The following CIITA variants were observed in gnomAD, a reference collection of about 807,000 sequenced individuals.
The protein encoded by CIITA is class II major histocompatibility complex transactivator.
In CIITA, 72 loss-of-function variants were observed where a neutral mutation model predicts 115.1. The observed-to-expected ratio is 0.63, with a 90% confidence interval of 0.52 to 0.76. The LOEUF (loss-of-function observed/expected upper bound fraction) is 0.76. CIITA is among the 30% of genes least tolerant of loss of function. The pLI, the probability that CIITA is intolerant of heterozygous loss-of-function variation, is 0.00. For synonymous variants in CIITA, 763 were observed against 635.6 expected (o/e 1.20, Z -3.02); for missense variants, 1,617 against 1,463.8 (o/e 1.10, Z -1.71).
chr16:10,906,350 A>C, intron 10 of CIITA, 149 bp from the exon 11 acceptor site: 1 of 1,008,696 alleles, frequency 9.9e-7, no homozygotes, highest in Non-Finnish European at 1.5e-6. Flanking sequence ...AAAAAGCCAG[A>C]CCCTGTCTCA....
rs2039234162 is a variant in CIITA, at chr16:10,907,260, C to A, written c.1768C>A (p.His590Asn). Reference sequence around the variant, plus strand: ...CTTTGAGAGCTCAGGGATGACAGAGCACCAAGACAGAGCCCTGACGCTCCT... The same window carrying A: ...CTTTGAGAGCTCAGGGATGACAGAGAACCAAGACAGAGCCCTGACGCTCCT... The part of the protein sequence containing the change: ...RYFESSGMTE[H>N]QDRALTLLRD... The change falls in exon 11 of 20, where the codon CAC becomes AAC. Residue 590 changes from histidine (H) to asparagine (N), a missense_variant. Physicochemically the swap from His to Asn is moderately conservative, Grantham distance 68. Transcript: ENST00000324288. This position sits in a 1 kb window ranked among gnomAD's most constrained non-coding sequence, Gnocchi z 5.0. The A allele has an allele frequency of 6.2e-7, 1 of 1,613,520 alleles. No individual in the cohort carries two copies. The highest frequency in any genetic ancestry group is 8.5e-7 in the Non-Finnish European group (1 of 1,180,008).
At chr16:10,875,818 G>A (rs2035795618), upstream of CIITA, among the ~76,000 whole-genome samples, 1 of 152,072 alleles carries the variant, frequency 6.6e-6, no homozygotes, top group South Asian at 2.1e-4. Flanking sequence ...CTATAGTTGT[G>A]CACCATCATA....
chr16:10,930,477 G>A lies in CIITA; in HGVS notation c.*6622G>A, dbSNP rs1253826516. On this transcript the variant is annotated 3_prime_UTR_variant, in exon 20 of 20. Coordinates refer to ENST00000324288, the MANE Select transcript of CIITA (RefSeq NM_000246.4). ...TACCCTATTTCCAAGGTCGACCTAA[G>A]GGGGCGGAACTGTTTCCATTGAGAC... 6.6e-6 allele frequency: 1 copy of A among 152,164 alleles called. No homozygotes were observed. The highest frequency in any genetic ancestry group is 2.4e-5 in the African/African-American group (1 of 41,428). 9.4% of individuals were successfully genotyped at this position (152,164 alleles called of 1,614,324 possible). A position where few individuals can be genotyped will look rare whatever the true frequency, so the allele number is the denominator to read the frequency against.
At chr16:10,898,793 G>C (rs574043195) in intron 4 of CIITA, 61 bp downstream of exon 4, 1 of 1,607,244 alleles carries the variant, frequency 6.2e-7, no homozygotes, top group South Asian at 1.1e-5. Flanking sequence ...TTGTTCCCTG[G>C]GGGGTGCCCT....
intron 13 of CIITA, among the ~76,000 whole-genome samples, chr16:10,911,292 T>G (rs2144837925): frequency 6.9e-6 from 1 of 145,810 alleles, no homozygotes; most frequent in Middle Eastern, 3.6e-3. Context: ...TTCCTTTTCT[T>G]TCCTTCCCTC....
intron 1 of CIITA, among the ~76,000 whole-genome samples, chr16:10,894,365 T>A (rs1406563751): frequency 1.3e-5 from 2 of 152,232 alleles, no homozygotes; most frequent in Non-Finnish European, 2.9e-5. Flanking sequence ...TATTTTTTGG[T>A]GGATATTTGG....
intron 1 of CIITA, chr16:10,878,940 G>A: frequency 4.4e-6 from 1 of 226,438 alleles, no homozygotes; most frequent in Non-Finnish European, 8.8e-6. Flanking sequence ...GAGGCGGGGA[G>A]GTAGGATGAC....
At position 10,923,688 on chromosome 16, in the gene CIITA, A is replaced by G. The variant is rs1054265942; in HGVS notation, c.*23-190A>G. Reference sequence around the variant, plus strand: ...GGTTTGTCTCAGATGAACTTGCTTGACAAGTCTCCTGCTCCTCACTATGAA... The same window carrying G: ...GGTTTGTCTCAGATGAACTTGCTTGGCAAGTCTCCTGCTCCTCACTATGAA... On this transcript the variant is annotated intron_variant, in intron 19 of 19. Coordinates refer to ENST00000324288, the MANE Select transcript of CIITA (RefSeq NM_000246.4). This position sits in a 1 kb window ranked among gnomAD's most constrained non-coding sequence, Gnocchi z 5.2. 6.6e-6 allele frequency among the ~76,000 whole-genome samples: 1 copy of G among 151,976 alleles called. No homozygotes were observed. Among genetic ancestry groups the G allele is most frequent in the African/African-American group, 2.4e-5 (1 of 41,366 alleles).
In CIITA at chr16:10,926,530, C is replaced by T. The variant is rs979694121; in HGVS notation, c.*2675C>T. 1.3e-5 allele frequency: 2 copies of T among 152,184 alleles called. No homozygotes were observed. 9.4% of individuals were successfully genotyped at this position (152,184 alleles called of 1,614,324 possible). On this transcript the variant is annotated 3_prime_UTR_variant, in exon 20 of 20. Coordinates refer to ENST00000324288, the MANE Select transcript of CIITA (RefSeq NM_000246.4). ...ACTAACGATTTGTTAATGATAGCTACTGTTTATTATTTTATTTAATTTTTT... is the reference window on the plus strand; with the variant it reads ...ACTAACGATTTGTTAATGATAGCTATTGTTTATTATTTTATTTAATTTTTT...
chr16:10,914,223 A>G (rs1366849773), intron 13 of CIITA, among the ~76,000 whole-genome samples: 2 of 152,114 alleles, frequency 1.3e-5, no homozygotes, highest in Admixed American at 6.6e-5. Flanking sequence ...AAGAACCCCC[A>G]TAAGATTGGG....
At chr16:10,913,671 G>T (rs1464191327) in intron 13 of CIITA, among the ~76,000 whole-genome samples, 2 of 151,590 alleles carry the variant, frequency 1.3e-5, no homozygotes, top group African/African-American at 2.4e-5. Context: ...CAGGCGCAGT[G>T]GCTTATGCCT....
At chr16:10,912,105 G>C (rs1340655697) in intron 13 of CIITA, among the ~76,000 whole-genome samples, 1 of 152,134 alleles carries the variant, frequency 6.6e-6, no homozygotes, top group African/African-American at 2.4e-5. Context: ...TGTTATGCCT[G>C]TGGTATATTC....
At chr16:10,937,021 G>A (rs1375813490), downstream of CIITA, 1 of 152,226 alleles carries the variant, frequency 6.6e-6, no homozygotes, top group African/African-American at 2.4e-5. This position sits in a 1 kb window ranked among gnomAD's most constrained non-coding sequence, Gnocchi z 4.2. Context: ...GACCCTGCCT[G>A]TTTCTTGGCT....
intron 10 of CIITA, among the ~76,000 whole-genome samples, chr16:10,905,521 G>T (rs2039078662): frequency 6.6e-6 from 1 of 152,178 alleles, no homozygotes; most frequent in South Asian, 2.1e-4. Context: ...AGCACTTTGG[G>T]AGGCCAAGGC....
At chr16:10,918,892 C>T (rs1008005031) in intron 16 of CIITA, among the ~76,000 whole-genome samples, 3 of 152,134 alleles carry the variant, frequency 2.0e-5, no homozygotes, top group South Asian at 2.1e-4. Context: ...CAGCTTTTGC[C>T]GGCCTTGTCA....
Position 10,901,663 on chromosome 16 carries a change from C to T in CIITA, c.481+105C>T, listed in dbSNP as rs938961395. ...AGTCTGATGGGGATGGTGCATGGTG[C>T]AGCCCCTGCCCTTCTTTGGGTAGAG... On this transcript the variant is annotated intron_variant, in intron 6 of 19. Coordinates refer to ENST00000324288, the MANE Select transcript of CIITA (RefSeq NM_000246.4). This position sits in a 1 kb window ranked among gnomAD's most constrained non-coding sequence, Gnocchi z 6.8. 8 of 1,227,164 alleles carry T rather than the reference C, an allele frequency of 6.5e-6. No individual in the cohort carries two copies. The highest frequency in any genetic ancestry group is 2.6e-4 in the Middle Eastern group (1 of 3,894). The allele number at this position is 1,227,164 out of a possible 1,614,324, so 76.0% of individuals were successfully genotyped here.
rs1439869659 is a variant in CIITA at position 10,902,701 on chromosome 16, G to A, written c.672G>A (p.Glu224=). The A allele has an allele frequency of 1.3e-5, 21 of 1,614,108 alleles. No individual in the cohort carries two copies. Among genetic ancestry groups the A allele is most frequent in the African/African-American group, 2.7e-5 (2 of 74,938 alleles). ...CGTTGAGCTGCCTGAATCTCCCTGAGGGACCCATCCAGTTTGTCCCCACCA... is the reference window on the plus strand; with the variant it reads ...CGTTGAGCTGCCTGAATCTCCCTGAAGGACCCATCCAGTTTGTCCCCACCA... ...SSSLSCLNLP[E]GPIQFVPTIS... Residue 224 remains glutamate, a synonymous_variant, in exon 8 of 20, where the codon GAG becomes GAA. Transcript: ENST00000324288.
chr16:10,877,178 C>A, upstream of CIITA: 1 of 712,608 alleles, frequency 1.4e-6, no homozygotes, highest in Non-Finnish European at 2.6e-6. Context: ...CTTAGCTTGG[C>A]GGGCTCCCAA....
At chr16:10,882,845 C>G (rs944721303) in intron 1 of CIITA, among the ~76,000 whole-genome samples, 1 of 151,326 alleles carries the variant, frequency 6.6e-6, no homozygotes, top group Non-Finnish European at 1.5e-5. Context: ...TGCGGTGAGC[C>G]GAGATCACAC....
Sources: allele counts gnomAD v4.1 joint callset (sites outside exome capture counted in the v4.1 genomes callset), GRCh38; gene constraint gnomAD v4.1.1; non-coding constraint Gnocchi (gnomAD v3.1); transcripts MANE v1.5; gene names NCBI Gene and HGNC (gene_info 2026-07-23, HGNC 2026-07-21).